The following ZWILCH variants were observed in gnomAD, a reference collection of about 807,000 sequenced individuals.
ZWILCH encodes the protein protein zwilch homolog.
A neutral mutation model predicts 79.9 loss-of-function variants in ZWILCH; 74 were observed. The ratio of observed to expected loss-of-function variants is 0.93; its 90% CI spans 0.77 to 1.12. The LOEUF (loss-of-function observed/expected upper bound fraction) is 1.12. Among genes scored for constraint, ZWILCH ranks in the 50% most tolerant of loss-of-function variants. The probability of loss-of-function intolerance (pLI) is 0.00; values close to 1 mark genes in which losing one functional copy is unlikely to be tolerated. For synonymous variants in ZWILCH, 241 were observed against 228.2 expected, an observed-to-expected ratio of 1.06 and a Z score of -0.51; for missense variants, 694 against 687.5, an observed-to-expected ratio of 1.01 and a Z score of -0.11.
At chr15:66,519,494 G>A (rs971385088) in intron 5 of ZWILCH, among the ~76,000 whole-genome samples, 10 of 152,208 alleles carry the variant, frequency 6.6e-5, no homozygotes, top group Middle Eastern at 3.4e-3. Flanking sequence ...TTGCTCTGTC[G>A]CCCAGGTGGG....
chr15:66,544,632 T>C (rs1160213023), intron 17 of ZWILCH, among the ~76,000 whole-genome samples: 1 of 151,892 alleles, frequency 6.6e-6, no homozygotes, highest in Non-Finnish European at 1.5e-5. Flanking sequence ...GAACTACTAC[T>C]GCCCCCGGCC....
intron 14 of ZWILCH, 59 bp downstream of exon 14, chr15:66,533,072 A>G: frequency 8.2e-7 from 1 of 1,219,058 alleles, no homozygotes; most frequent in South Asian, 1.5e-5. Context: ...TTCTGTGTGC[A>G]GTTATTAACT....
intron 2 of ZWILCH, among the ~76,000 whole-genome samples, chr15:66,510,159 CAG>C (rs1412892880): frequency 6.8e-6 from 1 of 147,960 alleles, no homozygotes; most frequent in Admixed American, 6.7e-5. Flanking sequence ...GCCTGGGCGA[CAG>C]AGTGAAACTC....
At chr15:66,544,642 C>G (rs528605853) in intron 17 of ZWILCH, among the ~76,000 whole-genome samples, 1 of 151,536 alleles carries the variant, frequency 6.6e-6, no homozygotes, top group East Asian at 1.9e-4. Flanking sequence ...TGCCCCCGGC[C>G]AAAAGGACAA....
chr15:66,523,872 C>G (rs568920128), intron 8 of ZWILCH, 124 bp downstream of exon 8: 1 of 630,022 alleles, frequency 1.6e-6, no homozygotes, highest in Non-Finnish European at 2.6e-6. Context: ...CCATTAGAAG[C>G]TCTGACAGTT....
chr15:66,546,559 C>A, intron 17 of ZWILCH, 32 bp from the exon 18 acceptor site: 2 of 1,501,384 alleles, frequency 1.3e-6, no homozygotes, highest in Non-Finnish European at 1.8e-6. Context: ...GGGTGTTAAG[C>A]AATTCTGATC....
intron 2 of ZWILCH, 43 bp from the exon 3 acceptor site, chr15:66,513,945 A>G: frequency 7.0e-7 from 1 of 1,424,490 alleles, no homozygotes; most frequent in Non-Finnish European, 9.8e-7. Flanking sequence ...TAGTAGAAAT[A>G]TATAAGTGTA....
intron 12 of ZWILCH, 90 bp downstream of exon 12, chr15:66,529,663 AT>A (rs1445977604): frequency 1.0e-6 from 1 of 967,870 alleles, no homozygotes; most frequent in Non-Finnish European, 1.6e-6. Context: ...CTGAGTCTGA[AT>A]TTCAGCTCTG....
chr15:66,505,534 C>T (rs1893778999), intron 1 of ZWILCH, 143 bp downstream of exon 1: 3 of 911,498 alleles, frequency 3.3e-6, no homozygotes, highest in East Asian at 2.6e-5. Context: ...GGGGAGAGGC[C>T]GGTTCTCGGC....
chr15:66,509,716 A>T (rs1031157418), intron 2 of ZWILCH, among the ~76,000 whole-genome samples: 5 of 138,426 alleles, frequency 3.6e-5, no homozygotes, highest in African/African-American at 1.3e-4. Context: ...TCCATGAAAT[A>T]ATTAGCAAAC....
rs556392423 is a variant in ZWILCH, at chr15:66,536,705, A to G, written c.1479-463A>G. The stretch of plus-strand genomic sequence containing the variant: ...TCAGTTGTAGAGGGGAAAGTTTGAA[A>G]TTGTTATTGTTTATAGAATCTCCAA... On this transcript the variant is annotated intron_variant, in intron 15 of 18. Transcript: ENST00000307897. Among the ~76,000 whole-genome samples, 3 of 152,082 alleles carry G rather than the reference A, an allele frequency of 2.0e-5. No homozygotes were observed. In the East Asian group the frequency reaches 5.8e-4, roughly 29 times the overall value.
At chr15:66,523,513 G>A in intron 7 of ZWILCH, 164 bp from the exon 8 acceptor site, 1 of 552,958 alleles carries the variant, frequency 1.8e-6, no homozygotes, top group Non-Finnish European at 3.3e-6. Context: ...AAATCTCTGA[G>A]TAAGATGTTC....
Position 66,514,051 on chromosome 15 carries a change from G to A in ZWILCH, c.169G>A (p.Glu57Lys). The part of the protein sequence containing the change: ...QPNPLKNILN[E>K]NDIVFIVEKV... ...AAACCCTTTGAAAAATATTCTAAATGAAAATGACATAGTATTCATAGTGGA... is the reference window on the plus strand; with the variant it reads ...AAACCCTTTGAAAAATATTCTAAATAAAAATGACATAGTATTCATAGTGGA... Residue 57 changes from glutamate (E) to lysine (K), a missense_variant, in exon 3 of 19, where the codon GAA (glutamate) becomes AAA (lysine). Physicochemically the swap from Glu to Lys is moderately conservative, Grantham distance 56. Coordinates refer to ENST00000307897, the MANE Select transcript of ZWILCH (RefSeq NM_017975.5). The A allele has an allele frequency of 1.2e-6, 2 of 1,611,794 alleles. No individual in the cohort carries two copies. Among genetic ancestry groups the A allele is most frequent in the Non-Finnish European group, 1.7e-6 (2 of 1,178,868 alleles).
chr15:66,523,587 G>A lies in ZWILCH; in HGVS notation c.748-90G>A, dbSNP rs1330156548. ...CTTTATGAAATATATTTTTTAATGTGTGAAAGATAGTTTGAAATGCAAGTA... is the reference window on the plus strand; with the variant it reads ...CTTTATGAAATATATTTTTTAATGTATGAAAGATAGTTTGAAATGCAAGTA... On this transcript the variant is annotated intron_variant, in intron 7 of 18. Transcript: ENST00000307897. The A allele has an allele frequency of 6.2e-6, 5 of 801,536 alleles. No homozygotes were observed. The Admixed American group carries it at 6.5e-5, about 10-fold the overall frequency. The allele number at this position is 801,536 out of a possible 1,614,324, so 49.7% of individuals were successfully genotyped here.
chr15:66,549,999 AGTTT>A lies in ZWILCH; in HGVS notation c.*1676_*1679del. 7.6e-7 allele frequency: 1 copy of A among 1,322,266 alleles called. No individual in the cohort carries two copies. The highest frequency in any genetic ancestry group is 1.0e-6 in the Non-Finnish European group (1 of 956,350). The allele number at this position is 1,322,266 out of a possible 1,614,324, so 81.9% of individuals were successfully genotyped here. A position where few individuals can be genotyped will look rare whatever the true frequency, so the allele number is the denominator to read the frequency against. The stretch of plus-strand genomic sequence containing the variant: ...TTGAAAATGATATGTATAATTATTT[AGTTT>A]AATTATTAAAGGAAAACATTGAAAT... On this transcript the variant is annotated 3_prime_UTR_variant, in exon 19 of 19. Coordinates refer to ENST00000307897, the MANE Select transcript of ZWILCH (RefSeq NM_017975.5).
chr15:66,527,608 G>C (rs1219857854), intron 9 of ZWILCH, among the ~76,000 whole-genome samples: 1 of 152,150 alleles, frequency 6.6e-6, no homozygotes, highest in Non-Finnish European at 1.5e-5. Context: ...AAAAAGAGAT[G>C]AATCAGTAGC....
chr15:66,529,030 C>A (rs375903434), intron 11 of ZWILCH, 73 bp downstream of exon 11: 2 of 1,151,620 alleles, frequency 1.7e-6, no homozygotes, highest in Non-Finnish European at 2.6e-6. Flanking sequence ...GGAAATAATA[C>A]AGTGTGTACC....
At chr15:66,518,754 T>G in intron 4 of ZWILCH, 125 bp from the exon 5 acceptor site, 240 of 834,592 alleles carry the variant, frequency 2.9e-4, no homozygotes, top group Non-Finnish European at 4.1e-4. Context: ...AAGGCTGTAG[T>G]GAGCTATGAT....
Position 66,536,007 on chromosome 15 carries a change from A to T in ZWILCH, c.1416A>T (p.Glu472Asp), listed in dbSNP as rs775184821. 3.1e-6 allele frequency: 5 copies of T among 1,613,040 alleles called. No homozygotes were observed. In the South Asian group the frequency reaches 5.5e-5, roughly 18 times the overall value. The change falls in exon 15 of 19, where the codon GAA becomes GAT. Residue 472 changes from glutamate to aspartate, a missense_variant. Physicochemically the swap from Glu to Asp is conservative, Grantham distance 45. Coordinates refer to ENST00000307897, the MANE Select transcript of ZWILCH (RefSeq NM_017975.5). ...YRVQKLHHIL[E>D]ILVSCMPFIK... ...TCCAAAAACTCCACCATATTCTAGA[A>T]ATATTAGTCAGTTGCATGCCTTTCA...
Sources: gnomAD v4.1 joint callset for allele counts (sites outside exome capture counted in the v4.1 genomes callset) on GRCh38, gnomAD v4.1.1 for gene constraint, MANE v1.5 for transcripts, NCBI Gene and HGNC (gene_info 2026-07-23, HGNC 2026-07-21) for gene names.